HIP1R: variants seen among roughly 807,000 people sequenced by gnomAD.
HIP1R encodes the protein huntingtin-interacting protein 1-related protein.
In HIP1R, 135 loss-of-function variants were observed where a neutral mutation model predicts 144.2. The ratio of observed to expected loss-of-function variants is 0.94; its 90% CI spans 0.81 to 1.08. The LOEUF is 1.08. Among genes scored for constraint, HIP1R ranks in the 50% least tolerant of loss-of-function variants. The pLI is 0.00. For missense variants in HIP1R, 1,462 were observed against 1,432.8 expected (o/e 1.02, Z -0.33); for synonymous variants, 698 against 612.8 (o/e 1.14, Z -2.05).
At chr12:122,837,106 CTTTG>C (rs2032921223) in intron 1 of HIP1R, among the ~76,000 whole-genome samples, 2 of 152,136 alleles carry the variant, frequency 1.3e-5, no homozygotes, top group South Asian at 4.1e-4. Context: ...TTGTCAGAAA[CTTTG>C]TTTATTCACT....
chr12:122,858,129 A>G lies in HIP1R; in HGVS notation c.1843A>G (p.Arg615Gly). ...RESQEQGLRQRLLDEQFAVLR... is the reference protein window; with the variant it reads ...RESQEQGLRQGLLDEQFAVLR... ...GTCTCAGGAGCAGGGGCTGCGGCAG[A>G]GGCTGCTGGACGAGCAGTTCGCAGT... The change falls in exon 19 of 32, where the codon AGG becomes GGG. Residue 615 changes from arginine to glycine, a missense_variant. By Grantham distance (125) the Arg-to-Gly change is moderately radical (BLOSUM62 -2). Transcript: ENST00000253083. 6.3e-7 allele frequency: 1 copy of G among 1,596,450 alleles called. No individual in the cohort carries two copies. The highest frequency in any genetic ancestry group is 8.5e-7 in the Non-Finnish European group (1 of 1,173,718).
Position 122,840,134 on chromosome 12 carries a change from C to T in HIP1R, c.93+4491C>T, listed in dbSNP as rs1000909640. On this transcript the variant is annotated intron_variant, in intron 1 of 31. Transcript: ENST00000253083. The surrounding 1 kb of genome is among the most constrained non-coding windows in gnomAD (Gnocchi z 4.2). The stretch of plus-strand genomic sequence containing the variant: ...GATGCCCGGCAGGCCGCTGACTTCC[C>T]GACCCCTGGGCTGCATATTGCCTCC... Among the ~76,000 whole-genome samples the T allele has an allele frequency of 6.6e-6, 1 of 152,238 alleles. No individual in the cohort carries two copies. The highest frequency in any genetic ancestry group is 1.5e-5 in the Non-Finnish European group (1 of 68,044).
chr12:122,836,196 C>G lies in HIP1R; in HGVS notation c.93+553C>G, dbSNP rs917078675. Among the ~76,000 whole-genome samples, 2 of 152,194 alleles carry G rather than the reference C, an allele frequency of 1.3e-5. No homozygotes were observed. Among genetic ancestry groups the G allele is most frequent in the African/African-American group, 4.8e-5 (2 of 41,442 alleles). ...TTCCTTAAACTCCCAGCTTCCTTCT[C>G]TCGTGAGCGGTTTCCCAGGGCTGCA... On this transcript the variant is annotated intron_variant, in intron 1 of 31. Coordinates refer to ENST00000253083, the MANE Select transcript of HIP1R (RefSeq NM_003959.3). This position sits in a 1 kb window ranked among gnomAD's most constrained non-coding sequence, Gnocchi z 4.1.
In HIP1R at chr12:122,855,038, C is replaced by A; in HGVS notation, c.777-15C>A. 1 of 1,613,870 alleles carries A rather than the reference C, an allele frequency of 6.2e-7. No individual in the cohort carries two copies. On this transcript the variant is annotated splice_polypyrimidine_tract_variant and intron_variant, in intron 9 of 31. Transcript: ENST00000253083. ...TGGCCCCTTCCTGAACCCGAACTTC[C>A]CACCATCTCTGCAGCCTCAGGAACT...
At chr12:122,838,882 G>C in intron 1 of HIP1R, among the ~76,000 whole-genome samples, 1 of 152,200 alleles carries the variant, frequency 6.6e-6, no homozygotes, top group African/African-American at 2.4e-5. Context: ...ATCCTCCACA[G>C]CCTGGAAAAG....
At position 122,856,355 on chromosome 12, in the gene HIP1R, C is replaced by T. The variant is rs1384303500; in HGVS notation, c.1401+11C>T. The T allele has an allele frequency of 3.7e-6, 6 of 1,613,478 alleles. No individual in the cohort carries two copies. The East Asian group carries it at 6.7e-5, about 18-fold the overall frequency. On this transcript the variant is annotated intron_variant, in intron 15 of 31. Coordinates refer to ENST00000253083, the MANE Select transcript of HIP1R (RefSeq NM_003959.3). ...GAGCTGCTCAGAAAGGTAGGTGCAGCCCATCCTCCATCCCAGCCGGTGGCA... is the reference window on the plus strand; with the variant it reads ...GAGCTGCTCAGAAAGGTAGGTGCAGTCCATCCTCCATCCCAGCCGGTGGCA...
At chr12:122,854,612 A>G (rs2033505487) in intron 8 of HIP1R, among the ~76,000 whole-genome samples, 2 of 152,242 alleles carry the variant, frequency 1.3e-5, no homozygotes, top group South Asian at 4.1e-4. Context: ...CCTGGGACCA[A>G]CGTGTTTGGT....
rs148746514 is a variant in HIP1R at position 122,850,201 on chromosome 12, G to A, written c.438+246G>A. 4.4e-3 allele frequency: 2,818 copies of A among 643,316 alleles called. 11 individuals carry two copies. The highest frequency in any genetic ancestry group is 6.6e-3 in the Non-Finnish European group (2,304 of 347,002). 39.9% of individuals were successfully genotyped at this position (643,316 alleles called of 1,614,324 possible). ...TCCCCAGGCGTTTCTGTGGACATGA[G>A]CGCTGGGCTTCCTCAGTCTCTGCTG... On this transcript the variant is annotated intron_variant, in intron 5 of 31. Transcript: ENST00000253083.
At chr12:122,860,621 T>C in intron 27 of HIP1R, 58 bp from the exon 28 acceptor site, 1 of 1,563,112 alleles carries the variant, frequency 6.4e-7, no homozygotes, top group South Asian at 1.1e-5. Flanking sequence ...GGGTGTGGAG[T>C]GGTGCCAGCC....
At chr12:122,848,989 C>T (rs2033294468) in intron 4 of HIP1R, 137 bp downstream of exon 4, 3 of 844,854 alleles carry the variant, frequency 3.6e-6, no homozygotes, top group Admixed American at 2.1e-5. Context: ...GGAGGGGCAG[C>T]ACGGGGAGAT....
At position 122,836,662 on chromosome 12, in the gene HIP1R, C is replaced by T. The variant is rs1223962163; in HGVS notation, c.93+1019C>T. Among the ~76,000 whole-genome samples the T allele has an allele frequency of 6.6e-6, 1 of 152,206 alleles. No homozygotes were observed. Among genetic ancestry groups the T allele is most frequent in the African/African-American group, 2.4e-5 (1 of 41,442 alleles). On this transcript the variant is annotated intron_variant, in intron 1 of 31. Coordinates refer to ENST00000253083, the MANE Select transcript of HIP1R (RefSeq NM_003959.3). This position sits in a 1 kb window ranked among gnomAD's most constrained non-coding sequence, Gnocchi z 4.1. ...AGAGATAAAGGAAGCCAGAGGACCCCTCCCACTCCTGTCTAAAGCAGGTTG... is the reference window on the plus strand; with the variant it reads ...AGAGATAAAGGAAGCCAGAGGACCCTTCCCACTCCTGTCTAAAGCAGGTTG...
rs371812138 is a variant in HIP1R, at chr12:122,857,042, C to T, written c.1642C>T (p.Arg548Trp). The change falls in exon 18 of 32, where the codon CGG becomes TGG. Residue 548 changes from arginine (R) to tryptophan (W), a missense_variant. Transcript: ENST00000253083. ...ACAGAGCAAGTCGGAGCTGAGCTCACGGCTGGACACGCTGAGTGCGGAGAA... is the reference window on the plus strand; with the variant it reads ...ACAGAGCAAGTCGGAGCTGAGCTCATGGCTGGACACGCTGAGTGCGGAGAA... Reference protein sequence around the residue: ...TEQSKSELSSRLDTLSAEKDA... With the variant: ...TEQSKSELSSWLDTLSAEKDA... The T allele has an allele frequency of 4.3e-5, 66 of 1,550,062 alleles. No homozygotes were observed. The East Asian group carries it at 5.4e-4, about 13-fold the overall frequency.
intron 1 of HIP1R, among the ~76,000 whole-genome samples, chr12:122,839,111 G>A (rs891476456): frequency 6.6e-6 from 1 of 152,188 alleles, no homozygotes; most frequent in Non-Finnish European, 1.5e-5. Flanking sequence ...TGGCCCAACC[G>A]TCTTTCTCCC....
intron 1 of HIP1R, among the ~76,000 whole-genome samples, chr12:122,838,950 T>G (rs1255369369): frequency 6.6e-6 from 1 of 152,186 alleles, no homozygotes; most frequent in East Asian, 1.9e-4. Flanking sequence ...TTTCTGACAC[T>G]TTGCTTTTAG....
Position 122,840,359 on chromosome 12 carries a change from C to G in HIP1R, c.93+4716C>G, listed in dbSNP as rs1183085667. Among the ~76,000 whole-genome samples the G allele has an allele frequency of 6.6e-6, 1 of 152,238 alleles. No individual in the cohort carries two copies. The highest frequency in any genetic ancestry group is 1.5e-5 in the Non-Finnish European group (1 of 68,044). On this transcript the variant is annotated intron_variant, in intron 1 of 31. Coordinates refer to ENST00000253083, the MANE Select transcript of HIP1R (RefSeq NM_003959.3). The surrounding 1 kb of genome is among the most constrained non-coding windows in gnomAD (Gnocchi z 4.2). ...GGAAGGTCCGAGTCATCTTTGTACCCTCTAAGAGGTGGAGAGATGCCAACT... is the reference window on the plus strand; with the variant it reads ...GGAAGGTCCGAGTCATCTTTGTACCGTCTAAGAGGTGGAGAGATGCCAACT...
rs767325722 is a variant in HIP1R, at chr12:122,861,339, AGGCTGAACGCATGC to A, written c.2990_3003del (p.Glu997GlyfsTer54). The A allele has an allele frequency of 2.6e-5, 42 of 1,613,590 alleles. No homozygotes were observed. Among genetic ancestry groups the A allele is most frequent in the Non-Finnish European group, 2.5e-6 (3 of 1,179,968 alleles). ...GTCCTGGAGCTGGAGAAGACGCTGG[AGGCTGAACGCATGC>A]GGCTGGGGGAGTTGCGGAAGCAACA... On this transcript the variant is annotated frameshift_variant, in exon 31 of 32. Transcript: ENST00000253083. LOFTEE classifies it high-confidence loss of function.
At chr12:122,835,028 G>A, upstream of HIP1R, 1 of 1,286,544 alleles carries the variant, frequency 7.8e-7, no homozygotes, top group Non-Finnish European at 1.0e-6. Context: ...GGAGGGGTGG[G>A]GAGAGGGAAT....
intron 26 of HIP1R, 74 bp from the exon 27 acceptor site, chr12:122,860,349 G>A: frequency 6.4e-7 from 1 of 1,564,110 alleles, no homozygotes; most frequent in Non-Finnish European, 8.8e-7. Flanking sequence ...AGGGGGAGAG[G>A]GCCCTTGAGG....
intron 2 of HIP1R, 152 bp from the exon 3 acceptor site, chr12:122,848,314 C>T: frequency 1.9e-6 from 2 of 1,057,612 alleles, no homozygotes; most frequent in South Asian, 3.2e-5. Context: ...ACTCCTGTCC[C>T]CTTGGCTGGA....
Sources: allele counts gnomAD v4.1 joint callset (sites outside exome capture counted in the v4.1 genomes callset), GRCh38; gene constraint gnomAD v4.1.1; non-coding constraint Gnocchi (gnomAD v3.1); transcripts MANE v1.5; gene names NCBI Gene and HGNC (gene_info 2026-07-23, HGNC 2026-07-21).